The following ZNF577 variants were observed in gnomAD, a reference collection of about 807,000 sequenced individuals.
ZNF577 encodes zinc finger protein 577.
In ZNF577, 14 loss-of-function variants were observed where a neutral mutation model predicts 13.9. The observed-to-expected ratio is 1.00, with a 90% CI of 0.66 to 1.57. The LOEUF (loss-of-function observed/expected upper bound fraction) is 1.57, where lower values mean the gene tolerates loss of function less well. Among genes scored for constraint, ZNF577 ranks in the 40% most tolerant of loss-of-function variants. The probability of loss-of-function intolerance (pLI) is 0.00; values close to 1 mark genes in which losing one functional copy is unlikely to be tolerated. For synonymous variants in ZNF577, 203 were observed against 202.9 expected, an observed-to-expected ratio of 1.00 and a Z score of 0.00; for missense variants, 555 against 579.2, an observed-to-expected ratio of 0.96 and a Z score of 0.43.
At chr19:51,856,816 A>G (rs1424597143) in intron 5 of ZNF577, among the ~76,000 whole-genome samples, 1 of 152,176 alleles carries the variant, frequency 6.6e-6, no homozygotes. Flanking sequence ...CAGAGGCTTG[A>G]TTGGAAAAGA....
At position 51,872,645 on chromosome 19, in the gene ZNF577, C is replaced by T. The variant is rs374481260; in HGVS notation, c.1345G>A (p.Ala449Thr). ...IVEQPFPRNQAFVVNQEFEQR... is the reference protein window; with the variant it reads ...IVEQPFPRNQTFVVNQEFEQR... Reference sequence around the variant, plus strand: ...TCAAATTCCTGATTAACTACAAAGGCTTGATTTCTTGGAAAAGGTTGTTCC... The same window carrying T: ...TCAAATTCCTGATTAACTACAAAGGTTTGATTTCTTGGAAAAGGTTGTTCC... Residue 449 changes from alanine (A) to threonine (T), a missense_variant, in exon 6 of 6, where the codon GCC becomes ACC. By Grantham distance (58) the Ala-to-Thr change is moderately conservative. Coordinates refer to ENST00000638348, the MANE Select transcript of ZNF577 (RefSeq NM_001370449.1). The T allele has an allele frequency of 2.5e-6, 4 of 1,614,174 alleles. No individual in the cohort carries two copies. Among genetic ancestry groups the T allele is most frequent in the Middle Eastern group, 1.6e-4 (1 of 6,062 alleles).
At chr19:51,845,702 A>C (rs2084347967) in intron 5 of ZNF577, among the ~76,000 whole-genome samples, 1 of 152,180 alleles carries the variant, frequency 6.6e-6, no homozygotes, top group South Asian at 2.1e-4. Flanking sequence ...TAGATTTCAC[A>C]CATAAGTGAG....
chr19:51,837,805 T>C (rs1363126925), intron 9 of ZNF577, among the ~76,000 whole-genome samples: 1 of 152,216 alleles, frequency 6.6e-6, no homozygotes, highest in Admixed American at 6.5e-5. Context: ...ATAATATTTA[T>C]AGTCCATTTT....
At chr19:51,882,007 G>A (rs1406636860) in intron 1 of ZNF577, among the ~76,000 whole-genome samples, 2 of 152,096 alleles carry the variant, frequency 1.3e-5, no homozygotes, top group Admixed American at 6.6e-5. Flanking sequence ...TGACCCACTG[G>A]TAAACGCACT....
chr19:51,834,570 T>C (rs554556846), intron 9 of ZNF577, among the ~76,000 whole-genome samples: 4 of 152,242 alleles, frequency 2.6e-5, no homozygotes, highest in African/African-American at 9.6e-5. Flanking sequence ...AAACAACATA[T>C]ATGTAAATAA....
At chr19:51,875,295 A>G (rs10423027) in intron 5 of ZNF577, among the ~76,000 whole-genome samples, 108,713 of 149,190 alleles carry the variant, frequency 0.73, 40,654 homozygotes, top group African/African-American at 0.9. Flanking sequence ...CCTGGGTGGC[A>G]GAGGTTGCAG....
At chr19:51,845,217 G>C (rs191079669) in intron 5 of ZNF577, among the ~76,000 whole-genome samples, 1 of 152,078 alleles carries the variant, frequency 6.6e-6, no homozygotes, top group African/African-American at 2.4e-5. Context: ...ATACTTGGCC[G>C]GGCACGGTGG....
chr19:51,855,185 T>C (rs995726652), intron 5 of ZNF577, among the ~76,000 whole-genome samples: 8 of 152,204 alleles, frequency 5.3e-5, no homozygotes, highest in African/African-American at 1.9e-4. Flanking sequence ...GGAAATCAGA[T>C]TCCCTCTCTC....
chr19:51,808,016 A>C (rs1352961699), intron 10 of ZNF577, among the ~76,000 whole-genome samples: 2 of 152,266 alleles, frequency 1.3e-5, no homozygotes, highest in African/African-American at 2.4e-5. Context: ...AGTAGGGGGT[A>C]GGAAGAATAA....
chr19:51,847,991 C>T (rs1163025720), intron 5 of ZNF577, among the ~76,000 whole-genome samples: 1 of 152,174 alleles, frequency 6.6e-6, no homozygotes, highest in Non-Finnish European at 1.5e-5. Context: ...GCAATATGGT[C>T]GCGCCCAAGC....
chr19:51,827,377 T>C (rs895526077), intron 9 of ZNF577, among the ~76,000 whole-genome samples: 1 of 152,236 alleles, frequency 6.6e-6, no homozygotes, highest in Admixed American at 6.5e-5. Context: ...GACAGTATAA[T>C]AACTGTATGG....
At chr19:51,861,938 C>T (rs903374232) in intron 5 of ZNF577, 1 of 151,986 alleles carries the variant, frequency 6.6e-6, no homozygotes, top group African/African-American at 2.4e-5. Context: ...AGTTGACTTA[C>T]AGGACAAAAC....
At position 51,861,113 on chromosome 19, in the gene ZNF577, C is replaced by CTTTTTTTTTTT. The variant is rs368241227; in HGVS notation, c.283+16158_283+16168dup. ...TCACTGCACTCATAATTGACTCTCTCTTTTTTTTTTTTTTTTTTTTTTTGA... is the reference window on the plus strand; with the variant it reads ...TCACTGCACTCATAATTGACTCTCTCTTTTTTTTTTTTTTTTTTTTTTTTTTTTTTTTTTGA... On this transcript the variant is annotated intron_variant and NMD_transcript_variant, in intron 5 of 10. Coordinates refer to the ZNF577 transcript ENST00000638827. The CTTTTTTTTTTT allele has an allele frequency of 3.8e-5, 7 of 185,258 alleles. 2 individuals are homozygous for CTTTTTTTTTTT. The highest frequency in any genetic ancestry group is 1.4e-4 in the South Asian group (3 of 21,022). 11.5% of individuals were successfully genotyped at this position (185,258 alleles called of 1,614,324 possible). A position where few individuals can be genotyped will look rare whatever the true frequency, so the allele number is the denominator to read the frequency against.
At chr19:51,833,416 C>T (rs2084271119) in intron 9 of ZNF577, among the ~76,000 whole-genome samples, 1 of 148,628 alleles carries the variant, frequency 6.7e-6, no homozygotes, top group East Asian at 2.0e-4. Flanking sequence ...TCTCTTATGC[C>T]ATCACCGCTG....
chr19:51,862,744 T>C (rs1023173134), downstream of ZNF577: 2 of 152,192 alleles, frequency 1.3e-5, no homozygotes, highest in Non-Finnish European at 2.9e-5. Flanking sequence ...ATAGGGTATC[T>C]CTCCTGTGTG....
intron 10 of ZNF577, among the ~76,000 whole-genome samples, chr19:51,808,603 T>C (rs1048097020): frequency 2.0e-5 from 3 of 152,268 alleles, no homozygotes; most frequent in South Asian, 2.1e-4. Context: ...CTTTGATTAA[T>C]AGAAGGCACA....
intron 5 of ZNF577, among the ~76,000 whole-genome samples, chr19:51,852,720 G>A (rs1039318816): frequency 3.9e-5 from 6 of 152,174 alleles, no homozygotes; most frequent in African/African-American, 1.4e-4. Context: ...GGATAAATAG[G>A]ACTTCTGGAA....
downstream of ZNF577, among the ~76,000 whole-genome samples, chr19:51,865,636 A>C (rs2084554055): frequency 6.6e-6 from 1 of 152,220 alleles, no homozygotes; most frequent in African/African-American, 2.4e-5. Flanking sequence ...GCCAAACAAA[A>C]GAGAGCCTCA....
intron 6 of ZNF577, among the ~76,000 whole-genome samples, chr19:51,843,716 T>C (rs1413029887): frequency 6.6e-6 from 1 of 152,202 alleles, no homozygotes; most frequent in Non-Finnish European, 1.5e-5. Flanking sequence ...AGCCTATGTA[T>C]TGCATGGTAT....
Sources: gnomAD v4.1 joint callset for allele counts (sites outside exome capture counted in the v4.1 genomes callset) on GRCh38, gnomAD v4.1.1 for gene constraint, MANE v1.5 for transcripts, NCBI Gene and HGNC (gene_info 2026-07-23, HGNC 2026-07-21) for gene names.